DENND1A: variants seen among roughly 807,000 people sequenced by gnomAD.
DENND1A encodes the protein DENN domain-containing protein 1A.
In DENND1A, 51 loss-of-function variants were observed where a neutral mutation model predicts 113.7. The observed-to-expected ratio is 0.45, with a 90% CI of 0.36 to 0.57. DENND1A has a LOEUF of 0.57. DENND1A is among the 20% of genes least tolerant of loss of function. The pLI is 0.00. For synonymous variants in DENND1A, 565 were observed against 570.8 expected (o/e 0.99, Z 0.14); for missense variants, 1,258 against 1,395.9 (o/e 0.90, Z 1.57).
At chr9:123,868,982 G>A (rs919987405) in intron 2 of DENND1A, among the ~76,000 whole-genome samples, 7 of 152,192 alleles carry the variant, frequency 4.6e-5, no homozygotes, top group Non-Finnish European at 1.0e-4. Context: ...AGTAGAGAAA[G>A]GCAAATTGAG....
chr9:123,496,064 T>C (rs2134102531), intron 13 of DENND1A, among the ~76,000 whole-genome samples: 1 of 152,362 alleles, frequency 6.6e-6, no homozygotes, highest in Non-Finnish European at 1.5e-5. Flanking sequence ...CATTAATCCA[T>C]TATTTCTTCA....
At chr9:123,552,006 A>AGCGAGC (rs1167946499) in intron 13 of DENND1A, among the ~76,000 whole-genome samples, 1 of 146,506 alleles carries the variant, frequency 6.8e-6, no homozygotes, top group African/African-American at 2.6e-5. Context: ...AGAGAGCGAG[A>AGCGAGC]GAGAGCGAGA....
chr9:123,771,838 C>G (rs1415602492), intron 3 of DENND1A, among the ~76,000 whole-genome samples: 2 of 150,018 alleles, frequency 1.3e-5, no homozygotes, highest in Non-Finnish European at 3.0e-5. Flanking sequence ...TCTAAGCAAA[C>G]AGCAGTAAAT....
chr9:123,810,033 C>T (rs913611321), intron 2 of DENND1A, among the ~76,000 whole-genome samples: 2 of 152,128 alleles, frequency 1.3e-5, no homozygotes, highest in African/African-American at 4.8e-5. Flanking sequence ...TCATGATTTT[C>T]GCTTCATTAT....
intron 13 of DENND1A, among the ~76,000 whole-genome samples, chr9:123,464,717 T>C (rs974966657): frequency 6.6e-6 from 1 of 152,202 alleles, no homozygotes; most frequent in Non-Finnish European, 1.5e-5. Flanking sequence ...GCAAATTTTA[T>C]GTATATTTAA....
chr9:123,903,044 G>A (rs1302645970), intron 1 of DENND1A, among the ~76,000 whole-genome samples: 1 of 151,974 alleles, frequency 6.6e-6, no homozygotes, highest in African/African-American at 2.4e-5. Flanking sequence ...ACATAAAACT[G>A]GAAAAAGGCC....
chr9:123,641,600 C>T (rs988935435), intron 9 of DENND1A, among the ~76,000 whole-genome samples: 1 of 152,102 alleles, frequency 6.6e-6, no homozygotes, highest in South Asian at 2.1e-4. Flanking sequence ...AAAGCTCTCC[C>T]AAAGAGAATA....
chr9:123,765,371 T>C (rs1828614949), intron 4 of DENND1A, among the ~76,000 whole-genome samples: 1 of 152,166 alleles, frequency 6.6e-6, no homozygotes, highest in Non-Finnish European at 1.5e-5. Context: ...CCTTACAAAT[T>C]TGTAATCTTT....
At chr9:123,845,923 A>C (rs1842553585) in intron 2 of DENND1A, among the ~76,000 whole-genome samples, 1 of 152,152 alleles carries the variant, frequency 6.6e-6, no homozygotes, top group African/African-American at 2.4e-5. Context: ...ATCAAGAAAG[A>C]GAAAAGTTAA....
intron 9 of DENND1A, among the ~76,000 whole-genome samples, chr9:123,639,562 G>A (rs2061914842): frequency 6.6e-6 from 1 of 151,010 alleles, no homozygotes; most frequent in Non-Finnish European, 1.5e-5. Context: ...CAGATCACCT[G>A]AGGTTGGGAG....
At chr9:123,652,875 A>G (rs1200835329) in intron 8 of DENND1A, among the ~76,000 whole-genome samples, 2 of 152,128 alleles carry the variant, frequency 1.3e-5, no homozygotes, top group African/African-American at 4.8e-5. Flanking sequence ...AATTAGTACT[A>G]TAGATTGGTA....
intron 9 of DENND1A, among the ~76,000 whole-genome samples, chr9:123,641,661 A>G (rs930518521): frequency 3.3e-5 from 5 of 152,178 alleles, no homozygotes; most frequent in Non-Finnish European, 7.4e-5. Flanking sequence ...AACATCTTCT[A>G]AATGAACTTG....
At chr9:123,864,698 C>T (rs1025088828) in intron 2 of DENND1A, among the ~76,000 whole-genome samples, 1 of 152,096 alleles carries the variant, frequency 6.6e-6, no homozygotes, top group African/African-American at 2.4e-5. Flanking sequence ...TAAATGCCCT[C>T]CCCCTAGACC....
chr9:123,561,845 T>C (rs1040601749), intron 12 of DENND1A, among the ~76,000 whole-genome samples: 3 of 152,144 alleles, frequency 2.0e-5, no homozygotes, highest in African/African-American at 4.8e-5. Flanking sequence ...AGGCGTCAGA[T>C]GTCAGATTCC....
chr9:123,639,225 G>A (rs544013329), intron 9 of DENND1A, among the ~76,000 whole-genome samples: 16 of 151,864 alleles, frequency 1.1e-4, no homozygotes, highest in African/African-American at 3.6e-4. Flanking sequence ...ATCACTTCAG[G>A]TCAGGAGTTC....
At chr9:123,705,668 A>G (rs1589741988) in intron 5 of DENND1A, among the ~76,000 whole-genome samples, 1 of 152,228 alleles carries the variant, frequency 6.6e-6, no homozygotes, top group Non-Finnish European at 1.5e-5. Context: ...ATATTAAAAT[A>G]AAATCTAAAT....
At chr9:123,908,826 G>A (rs1357952088) in intron 1 of DENND1A, among the ~76,000 whole-genome samples, 1 of 152,200 alleles carries the variant, frequency 6.6e-6, no homozygotes, top group Non-Finnish European at 1.5e-5. Flanking sequence ...AACACCATTC[G>A]ACCCAGCCAT....
chr9:123,928,561 CAG>C (rs1420995528), intron 1 of DENND1A: 7 of 985,216 alleles, frequency 7.1e-6, no homozygotes, highest in Non-Finnish European at 8.4e-6. Context: ...AAAGATTTAA[CAG>C]AGTGTTCATG....
At chr9:123,607,539 AGAGAGAGAGT>A (rs1398692961) in intron 11 of DENND1A, among the ~76,000 whole-genome samples, 18 of 127,888 alleles carry the variant, frequency 1.4e-4, no homozygotes, top group Admixed American at 4.4e-4. Flanking sequence ...AGAGAGAGAG[AGAGAGAGAGT>A]GTGTGTGTGT....
Sources: allele counts gnomAD v4.1 joint callset (sites outside exome capture counted in the v4.1 genomes callset), GRCh38; gene constraint gnomAD v4.1.1; transcripts MANE v1.5; gene names NCBI Gene and HGNC (gene_info 2026-07-23, HGNC 2026-07-21).